Variants in SLC5A11 observed in about 807,000 individuals in gnomAD.
The protein encoded by SLC5A11 is solute carrier family 5 member 11, also known as sodium/myo-inositol cotransporter 2.
In SLC5A11, 48 loss-of-function variants were observed where a neutral mutation model predicts 69.8. That is an observed-to-expected ratio of 0.69 (90% CI 0.55 to 0.87). The LOEUF is 0.87. Among genes scored for constraint, SLC5A11 ranks in the 40% least tolerant of loss-of-function variants. The pLI, the probability that SLC5A11 is intolerant of heterozygous loss-of-function variation, is 0.00. For missense variants in SLC5A11, 784 were observed against 866.1 expected, an observed-to-expected ratio of 0.91 and a Z score of 1.19; for synonymous variants, 319 against 342.4, an observed-to-expected ratio of 0.93 and a Z score of 0.75.
chr16:24,864,803 G>T (rs1195820863), intron 3 of SLC5A11, among the ~76,000 whole-genome samples: 1 of 147,858 alleles, frequency 6.8e-6, no homozygotes, highest in Non-Finnish European at 1.5e-5. Flanking sequence ...TATCATTAAA[G>T]AGATAGATTT....
At chr16:24,849,596 ATATATATAT>A (rs2059204814) in intron 1 of SLC5A11, among the ~76,000 whole-genome samples, 5 of 81,356 alleles carry the variant, frequency 6.1e-5, no homozygotes, top group African/African-American at 2.8e-4. Flanking sequence ...AAAAAAAAAT[ATATATATAT>A]ATATATATAT....
chr16:24,886,353 A>T (rs2048397629), intron 8 of SLC5A11, among the ~76,000 whole-genome samples: 1 of 151,546 alleles, frequency 6.6e-6, no homozygotes, highest in South Asian at 2.1e-4. Context: ...AGGAGTTCTA[A>T]TAAAATGCAG....
intron 1 of SLC5A11, among the ~76,000 whole-genome samples, chr16:24,855,186 C>G (rs1187783140): frequency 1.3e-5 from 2 of 152,128 alleles, no homozygotes; most frequent in Admixed American, 1.3e-4. Flanking sequence ...GCATGTCCCT[C>G]TGTCCCCAGA....
intron 4 of SLC5A11, among the ~76,000 whole-genome samples, chr16:24,871,645 A>T (rs539912805): frequency 6.6e-6 from 1 of 152,244 alleles, no homozygotes; most frequent in South Asian, 2.1e-4. Context: ...ATGTAGAACC[A>T]TTATGAGGGT....
At chr16:24,877,035 C>G in intron 6 of SLC5A11, 1 of 1,349,976 alleles carries the variant, frequency 7.4e-7, no homozygotes, top group Non-Finnish European at 9.6e-7. Context: ...AAAGCAGAAG[C>G]AGGAAGACCA....
intron 8 of SLC5A11, 95 bp from the exon 10 acceptor site, chr16:24,890,774 G>T: frequency 8.4e-7 from 1 of 1,194,986 alleles, no homozygotes; most frequent in South Asian, 1.2e-5. Context: ...GGTGGCTCTG[G>T]TCCTACTAGA....
At chr16:24,881,061 C>A (rs1024716511) in intron 7 of SLC5A11, among the ~76,000 whole-genome samples, 8 of 151,850 alleles carry the variant, frequency 5.3e-5, no homozygotes, top group Non-Finnish European at 1.0e-4. Context: ...AAAAAATTAG[C>A]CAGGCGTGGT....
intron 9 of SLC5A11, among the ~76,000 whole-genome samples, chr16:24,895,180 G>C (rs1392820884): frequency 6.6e-6 from 1 of 151,922 alleles, no homozygotes; most frequent in Non-Finnish European, 1.5e-5. Context: ...TCCCTTTTAG[G>C]ATCTGATGGT....
chr16:24,868,097 A>G (rs1159829828), intron 3 of SLC5A11, among the ~76,000 whole-genome samples: 2 of 151,120 alleles, frequency 1.3e-5, no homozygotes, highest in Non-Finnish European at 2.9e-5. Context: ...AGATGGCACC[A>G]TTGCATTCCA....
chr16:24,851,280 A>G (rs1297446137), intron 1 of SLC5A11, among the ~76,000 whole-genome samples: 1 of 151,440 alleles, frequency 6.6e-6, no homozygotes, highest in African/African-American at 2.4e-5. Flanking sequence ...TGGGAGGCCA[A>G]GGCAGGCGGA....
intron 6 of SLC5A11, 179 bp from the exon 8 acceptor site, chr16:24,877,079 A>C: frequency 2.1e-6 from 3 of 1,458,412 alleles, no homozygotes; most frequent in Non-Finnish European, 2.7e-6. Flanking sequence ...CAGGGCCCAC[A>C]GGGCTCCAGC....
chr16:24,856,597 C>CAAAAAAAAAAAAAAA (rs35867622), intron 1 of SLC5A11, among the ~76,000 whole-genome samples: 1 of 88,828 alleles, frequency 1.1e-5, no homozygotes, highest in African/African-American at 4.3e-5. Flanking sequence ...ACTAAAAATA[C>CAAAAAAAAAAAAAAA]AAAAAAAAAA....
At chr16:24,906,571 A>G in intron 10 of SLC5A11, 86 bp from the exon 12 acceptor site, 1 of 730,662 alleles carries the variant, frequency 1.4e-6, no homozygotes, top group Non-Finnish European at 2.2e-6. Flanking sequence ...CTTCCATATG[A>G]TAAGCCTGTG....
intron 15 of SLC5A11, 104 bp from the exon 17 acceptor site, chr16:24,911,224 G>C: frequency 1.0e-6 from 1 of 957,568 alleles, no homozygotes; most frequent in Non-Finnish European, 1.6e-6. Context: ...GGTGGTTCAC[G>C]CCTGTAATCC....
chr16:24,884,275 G>T, intron 8 of SLC5A11, 144 bp downstream of exon 9: 1 of 705,292 alleles, frequency 1.4e-6, no homozygotes, highest in Non-Finnish European at 2.4e-6. Context: ...TTTGCTTGAG[G>T]CACGGTTATT....
At chr16:24,891,925 G>A (rs1053132642) in intron 9 of SLC5A11, among the ~76,000 whole-genome samples, 6 of 151,758 alleles carry the variant, frequency 4.0e-5, no homozygotes, top group Non-Finnish European at 7.4e-5. Context: ...AGGAGATTGA[G>A]AGTGTGGGAG....
intron 10 of SLC5A11, among the ~76,000 whole-genome samples, chr16:24,904,382 T>C (rs1167762828): frequency 6.6e-6 from 1 of 152,140 alleles, no homozygotes; most frequent in East Asian, 1.9e-4. Flanking sequence ...TGTATAAGAG[T>C]TTCCCCTTCT....
At chr16:24,856,325 G>A (rs2059528089) in intron 1 of SLC5A11, among the ~76,000 whole-genome samples, 1 of 152,038 alleles carries the variant, frequency 6.6e-6, no homozygotes, top group South Asian at 2.1e-4. Context: ...GAAAAGTGTT[G>A]GAGTTTTTTC....
At chr16:24,904,273 G>A (rs925268382) in intron 10 of SLC5A11, among the ~76,000 whole-genome samples, 2 of 152,182 alleles carry the variant, frequency 1.3e-5, no homozygotes, top group African/African-American at 4.8e-5. Context: ...ATGCCCAGTA[G>A]CAAAATTGCT....
Sources: gnomAD v4.1 joint callset for allele counts (sites outside exome capture counted in the v4.1 genomes callset) on GRCh38, gnomAD v4.1.1 for gene constraint, MANE v1.5 for transcripts, NCBI Gene and HGNC (gene_info 2026-07-23, HGNC 2026-07-21) for gene names.